The following RGS6 variants were observed in gnomAD, a reference collection of about 807,000 sequenced individuals.
RGS6 encodes the protein regulator of G-protein signaling 6.
A neutral mutation model predicts 78.5 loss-of-function variants in RGS6; 30 were observed. The ratio of observed to expected loss-of-function variants is 0.38; its 90% confidence interval spans 0.29 to 0.52. The LOEUF is 0.52. Among genes scored for constraint, RGS6 ranks in the 20% least tolerant of loss-of-function variants. The pLI is 0.85. For synonymous variants in RGS6, 206 were observed against 206.0 expected (o/e 1.00, Z 0.00); for missense variants, 495 against 609.7 (o/e 0.81, Z 1.98).
intron 2 of RGS6, among the ~76,000 whole-genome samples, chr14:72,181,833 G>T (rs149651): frequency 0.75 from 113,357 of 152,066 alleles, 42,449 homozygotes; most frequent in East Asian, 0.91. Context: ...TCAGAGTGAC[G>T]CACATTAAAA....
chr14:72,132,692 G>A (rs1474704083), intron 2 of RGS6, among the ~76,000 whole-genome samples: 3 of 151,850 alleles, frequency 2.0e-5, no homozygotes, highest in South Asian at 4.2e-4. Flanking sequence ...CAGCCATTTT[G>A]AAGTTACTTG....
chr14:72,456,915 CAAAAAA>C (rs932252301), intron 4 of RGS6, among the ~76,000 whole-genome samples: 1 of 150,166 alleles, frequency 6.7e-6, no homozygotes, highest in African/African-American at 2.4e-5. Flanking sequence ...CTACCTCTAC[CAAAAAA>C]AATAAAAAAA....
chr14:72,618,036 C>T, the RGS6 span, among the ~76,000 whole-genome samples: 90 of 149,722 alleles, frequency 6.0e-4, 2 homozygotes, highest in Non-Finnish European at 3.5e-4. Context: ...GCTCAGCCTC[C>T]CCACCTCTTT....
chr14:71,872,557 C>T, the RGS6 span, among the ~76,000 whole-genome samples: 1 of 152,150 alleles, frequency 6.6e-6, no homozygotes, highest in Admixed American at 6.5e-5. Flanking sequence ...CTGCATAGAA[C>T]TCTAAGAATG....
At chr14:72,547,389 TG>T in intron 17 of RGS6, 1 of 1,229,326 alleles carries the variant, frequency 8.1e-7, no homozygotes, top group Non-Finnish European at 1.1e-6. Context: ...CCCCGACCCA[TG>T]GAAGTCCCCC....
intron 2 of RGS6, among the ~76,000 whole-genome samples, chr14:72,083,167 C>T (rs1203642693): frequency 2.0e-5 from 3 of 152,202 alleles, no homozygotes; most frequent in Non-Finnish European, 4.4e-5. Flanking sequence ...CTCATACGCT[C>T]ATTCTTGTAC....
intron 2 of RGS6, among the ~76,000 whole-genome samples, chr14:72,062,771 G>A (rs547271342): frequency 2.0e-5 from 3 of 152,280 alleles, no homozygotes; most frequent in African/African-American, 4.8e-5. Context: ...GGAGATAGGC[G>A]GTTGGTCATT....
chr14:72,027,769 G>A (rs915669170), intron 2 of RGS6, among the ~76,000 whole-genome samples: 3 of 152,146 alleles, frequency 2.0e-5, no homozygotes, highest in African/African-American at 7.2e-5. Flanking sequence ...TACATGTAAA[G>A]CTTCATGTCT....
intron 2 of RGS6, among the ~76,000 whole-genome samples, chr14:72,251,192 A>AG (rs1362030908): frequency 3.3e-5 from 5 of 152,224 alleles, no homozygotes; most frequent in African/African-American, 1.2e-4. Context: ...AAGCAAACGA[A>AG]GGTTGTCTTT....
chr14:72,561,948 G>A (rs2097681598), intron 17 of RGS6, among the ~76,000 whole-genome samples: 1 of 152,140 alleles, frequency 6.6e-6, no homozygotes, highest in East Asian at 1.9e-4. Flanking sequence ...GCCTTCTTAA[G>A]ACTAGTTCAT....
chr14:71,875,598 C>T, the RGS6 span, among the ~76,000 whole-genome samples: 3 of 152,240 alleles, frequency 2.0e-5, no homozygotes, highest in Middle Eastern at 3.4e-3. Flanking sequence ...AAAACCAGCT[C>T]CTGGATTCAT....
intron 14 of RGS6, among the ~76,000 whole-genome samples, chr14:72,517,888 G>A (rs1171355087): frequency 6.6e-6 from 1 of 152,186 alleles, no homozygotes; most frequent in Non-Finnish European, 1.5e-5. Flanking sequence ...TTCTCAACCA[G>A]GAATGAGTTC....
At position 71,964,835 on chromosome 14, in the gene RGS6, A is replaced by G. The variant is rs753120639; in HGVS notation, c.44A>G (p.Asp15Gly). 6.2e-7 allele frequency: 1 copy of G among 1,613,728 alleles called. No individual in the cohort carries two copies. The highest frequency in any genetic ancestry group is 1.3e-5 in the African/African-American group (1 of 74,920). ...SGDQRAVGVA[D>G]PEESSPNMIV... ...GATCAAAGAGCAGTGGGGGTTGCTG[A>G]CCCAGAGGAGAGTTCTCCAAACATG... Residue 15 changes from aspartate to glycine, a missense_variant, in exon 2 of 18, where the codon GAC becomes GGC. Coordinates refer to ENST00000553525, the MANE Select transcript of RGS6 (RefSeq NM_001204424.2).
chr14:72,022,590 G>A (rs946168777), intron 2 of RGS6: 3 of 152,162 alleles, frequency 2.0e-5, no homozygotes, highest in Non-Finnish European at 4.4e-5. Flanking sequence ...AATACAGGAG[G>A]TGGCTAAGCC....
At chr14:72,007,966 T>G (rs2084909835) in intron 2 of RGS6, among the ~76,000 whole-genome samples, 1 of 152,132 alleles carries the variant, frequency 6.6e-6, no homozygotes, top group Non-Finnish European at 1.5e-5. Flanking sequence ...AAAAGCAGAC[T>G]GAGAAAACTA....
At chr14:72,343,351 C>G (rs1375425286) in intron 2 of RGS6, among the ~76,000 whole-genome samples, 2 of 152,174 alleles carry the variant, frequency 1.3e-5, no homozygotes, top group African/African-American at 2.4e-5. Context: ...AAAGTCCCAT[C>G]TATCTGACCC....
At chr14:71,922,810 T>G in the RGS6 span, among the ~76,000 whole-genome samples, 1 of 152,146 alleles carries the variant, frequency 6.6e-6, no homozygotes, top group Non-Finnish European at 1.5e-5. Context: ...CCATGCTCTT[T>G]TTGTTTGTTT....
At chr14:71,929,702 T>G (rs1157694803), upstream of RGS6, among the ~76,000 whole-genome samples, 1 of 152,194 alleles carries the variant, frequency 6.6e-6, no homozygotes, top group Non-Finnish European at 1.5e-5. Context: ...CCTGAATCAA[T>G]TATTAAGATG....
chr14:71,946,297 G>A (rs1029303607), intron 1 of RGS6, among the ~76,000 whole-genome samples: 3 of 152,070 alleles, frequency 2.0e-5, no homozygotes, highest in African/African-American at 4.8e-5. Flanking sequence ...ATTGCTTTGA[G>A]ATGGTTACTG....
Sources: allele counts gnomAD v4.1 joint callset (sites outside exome capture counted in the v4.1 genomes callset), GRCh38; gene constraint gnomAD v4.1.1; transcripts MANE v1.5; gene names NCBI Gene and HGNC (gene_info 2026-07-23, HGNC 2026-07-21).